Variants in LAMA3 observed in about 807,000 individuals in gnomAD.
LAMA3 encodes laminin subunit alpha 3, also known as laminin subunit alpha-3.
In LAMA3, 281 loss-of-function variants were observed where a neutral mutation model predicts 402.0. The ratio of observed to expected loss-of-function variants is 0.70; its 90% CI spans 0.63 to 0.77. LAMA3 has a LOEUF of 0.77. Among genes scored for constraint, LAMA3 ranks in the 30% least tolerant of loss-of-function variants. The pLI, the probability that LAMA3 is intolerant of heterozygous loss-of-function variation, is 0.00. For missense variants in LAMA3, 3,840 were observed against 4,215.5 expected (o/e 0.91, Z 2.47); for synonymous variants, 1,431 against 1,558.4 (o/e 0.92, Z 1.93).
intron 11 of LAMA3, chr18:23,781,260 A>G (rs1182212064): frequency 4.4e-6 from 2 of 455,874 alleles, no homozygotes; most frequent in Non-Finnish European, 8.8e-6. Context: ...GGGCTGTGGC[A>G]TTAGGACCTT....
chr18:23,850,215 T>A (rs1418603664), intron 32 of LAMA3, among the ~76,000 whole-genome samples: 1 of 152,216 alleles, frequency 6.6e-6, no homozygotes, highest in Admixed American at 6.5e-5. Context: ...GCTGAAAAAT[T>A]GCAATTCTCA....
At chr18:23,695,559 T>C (rs1183071657) in intron 1 of LAMA3, among the ~76,000 whole-genome samples, 1 of 151,912 alleles carries the variant, frequency 6.6e-6, no homozygotes, top group African/African-American at 2.4e-5. Flanking sequence ...TGGTGGCTCA[T>C]ACTTATAATC....
intron 36 of LAMA3, among the ~76,000 whole-genome samples, chr18:23,865,978 A>G (rs1045258337): frequency 2.6e-5 from 4 of 152,194 alleles, no homozygotes; most frequent in African/African-American, 9.6e-5. Context: ...GATAATAGGC[A>G]TGGGCCACCA....
intron 24 of LAMA3, chr18:23,834,697 A>ACC (rs1731445244): frequency 6.5e-6 from 1 of 153,096 alleles, no homozygotes; most frequent in Non-Finnish European, 1.5e-5. Context: ...ACTGCAGTAA[A>ACC]CCCATCCAGT....
At position 23,827,469 on chromosome 18, in the gene LAMA3, T is replaced by A. The variant is rs776418922; in HGVS notation, c.2823+2T>A. 10 of 1,613,886 alleles carry A rather than the reference T, an allele frequency of 6.2e-6. No homozygotes were observed. In the East Asian group the frequency reaches 2.2e-4, roughly 36 times the overall value. On this transcript the variant is annotated splice_donor_variant, in intron 23 of 74. Transcript: ENST00000313654. LOFTEE classifies it high-confidence loss of function. ...ATGGTGGACCTCAGCGGGAGAGAGG[T>A]GGGCCAGCCTTTTATTTATTATCAA...
intron 54 of LAMA3, among the ~76,000 whole-genome samples, chr18:23,908,533 C>CAAA (rs111961159): frequency 7.0e-5 from 4 of 57,042 alleles, no homozygotes; most frequent in African/African-American, 1.1e-4. Context: ...CCATCTCAAA[C>CAAA]AAAAAAAAAA....
chr18:23,828,890 C>G (rs2063440062), intron 23 of LAMA3, among the ~76,000 whole-genome samples: 1 of 151,980 alleles, frequency 6.6e-6, no homozygotes, highest in Non-Finnish European at 1.5e-5. Context: ...GTTTTTGTTT[C>G]AAAACTTCAT....
intron 38 of LAMA3, 23 bp downstream of exon 38, chr18:23,871,684 A>G (rs1285259244): frequency 1.9e-6 from 3 of 1,563,208 alleles, no homozygotes; most frequent in South Asian, 1.2e-5. Flanking sequence ...CCCATCCGCA[A>G]CATTTCCCTA....
intron 3 of LAMA3, among the ~76,000 whole-genome samples, chr18:23,748,727 G>A (rs1280511014): frequency 8.8e-5 from 12 of 136,874 alleles, no homozygotes; most frequent in East Asian, 4.0e-4. Flanking sequence ...TCCAGGAGGC[G>A]GAGGTTGCAA....
At chr18:23,940,266 C>T (rs759483828) in intron 68 of LAMA3, among the ~76,000 whole-genome samples, 21 of 152,182 alleles carry the variant, frequency 1.4e-4, no homozygotes, top group Non-Finnish European at 2.8e-4. Context: ...GGCCTCGGGT[C>T]GCAGTCCACA....
intron 1 of LAMA3, among the ~76,000 whole-genome samples, chr18:23,697,970 C>T (rs953252978): frequency 8.6e-5 from 13 of 151,924 alleles, no homozygotes; most frequent in African/African-American, 1.9e-4. Context: ...CTTCTCTGTG[C>T]GTATGTGTCC....
chr18:23,909,586 A>T (rs1359612885), intron 55 of LAMA3, among the ~76,000 whole-genome samples: 3 of 152,220 alleles, frequency 2.0e-5, no homozygotes, highest in Non-Finnish European at 4.4e-5. Flanking sequence ...GTAAACTGTA[A>T]TTGCACATTC....
intron 70 of LAMA3, chr18:23,946,803 T>C (rs1479216362): frequency 1.8e-5 from 3 of 165,192 alleles, no homozygotes; most frequent in Non-Finnish European, 4.0e-5. Flanking sequence ...CCCTGAGAAA[T>C]AAACATTTGA....
intron 60 of LAMA3, among the ~76,000 whole-genome samples, chr18:23,919,281 G>A (rs994559018): frequency 1.3e-5 from 2 of 152,240 alleles, no homozygotes; most frequent in East Asian, 3.9e-4. Flanking sequence ...TCAAAGAGAG[G>A]CATTCTTATC....
intron 70 of LAMA3, among the ~76,000 whole-genome samples, chr18:23,948,234 C>T (rs2082779336): frequency 6.6e-6 from 1 of 152,214 alleles, no homozygotes; most frequent in Non-Finnish European, 1.5e-5. Flanking sequence ...CAAATAGTAG[C>T]ACCCCATTTA....
At chr18:23,737,766 T>G (rs1435798224) in intron 2 of LAMA3, among the ~76,000 whole-genome samples, 1 of 152,246 alleles carries the variant, frequency 6.6e-6, no homozygotes, top group Non-Finnish European at 1.5e-5. Flanking sequence ...GCCAGAAGAC[T>G]GAGTGCGTGT....
chr18:23,954,506 A>G lies in LAMA3; in HGVS notation c.9860A>G (p.Asn3287Ser). ...EPLHLGGAPA[N>S]LTTLRIPVWK... ...GCCTCTCCACTTTCTCTTTCAGCCA[A>G]TTTGACGACACTGAGGATCCCTGTG... Residue 3287 changes from asparagine (N) to serine (S), a missense_variant, in exon 75 of 75, where the codon AAT (asparagine) becomes AGT (serine). Physicochemically the swap from Asn to Ser is conservative, Grantham distance 46. Transcript: ENST00000313654. The G allele has an allele frequency of 6.2e-7, 1 of 1,613,536 alleles. No individual in the cohort carries two copies. The highest frequency in any genetic ancestry group is 8.5e-7 in the Non-Finnish European group (1 of 1,179,886).
At chr18:23,770,701 C>T (rs949610827) in intron 8 of LAMA3, among the ~76,000 whole-genome samples, 4 of 152,140 alleles carry the variant, frequency 2.6e-5, no homozygotes, top group Non-Finnish European at 4.4e-5. Flanking sequence ...GCAGAGGTTG[C>T]AGTGAGTCGA....
rs117640325 is a variant in LAMA3, at chr18:23,935,757, C to G, written c.8862+1822C>G. Among the ~76,000 whole-genome samples, 235 of 152,186 alleles carry G rather than the reference C, an allele frequency of 1.5e-3. 3 individuals are homozygous for G. The East Asian group carries it at 0.031, about 20-fold the overall frequency. On this transcript the variant is annotated intron_variant, in intron 67 of 74. Coordinates refer to ENST00000313654, the MANE Select transcript of LAMA3 (RefSeq NM_198129.4). ...AAGTGCCTGGCACATAGTAAGTATGCATTAAATGCTAGTTATTATTACTAT... is the reference window on the plus strand; with the variant it reads ...AAGTGCCTGGCACATAGTAAGTATGGATTAAATGCTAGTTATTATTACTAT...
Sources: gnomAD v4.1 joint callset for allele counts (sites outside exome capture counted in the v4.1 genomes callset) on GRCh38, gnomAD v4.1.1 for gene constraint, MANE v1.5 for transcripts, NCBI Gene and HGNC (gene_info 2026-07-23, HGNC 2026-07-21) for gene names.